The following ARHGAP17 variants were observed in gnomAD, a reference collection of about 807,000 sequenced individuals.
The protein encoded by ARHGAP17 is Rho GTPase activating protein 17, also known as rho GTPase-activating protein 17.
Under a neutral mutation model 99.5 loss-of-function variants are expected in ARHGAP17, and 57 were observed. The observed-to-expected ratio is 0.57, with a 90% CI of 0.46 to 0.71. The LOEUF (loss-of-function observed/expected upper bound fraction) is 0.71, where lower values mean the gene tolerates loss of function less well. Ranked by LOEUF, ARHGAP17 falls within the 30% of genes least tolerant of loss-of-function variation. ARHGAP17 has a pLI of 0.00. For synonymous variants in ARHGAP17, 417 were observed against 429.6 expected, an observed-to-expected ratio of 0.97 and a Z score of 0.36; for missense variants, 1,000 against 1,122.4, an observed-to-expected ratio of 0.89 and a Z score of 1.56.
intron 1 of ARHGAP17, among the ~76,000 whole-genome samples, chr16:24,995,459 A>G (rs2053165907): frequency 6.6e-6 from 1 of 152,214 alleles, no homozygotes; most frequent in African/African-American, 2.4e-5. Flanking sequence ...GGGAAGAGAG[A>G]GCAGGGAGGA....
intron 14 of ARHGAP17, among the ~76,000 whole-genome samples, chr16:24,944,188 T>C (rs958094947): frequency 3.3e-5 from 5 of 151,736 alleles, no homozygotes; most frequent in African/African-American, 7.3e-5. Flanking sequence ...GGAGAATCGC[T>C]TGAACCCGGA....
chr16:24,955,193 CAAGTT>C lies in ARHGAP17; in HGVS notation c.725-468_725-464del, dbSNP rs1251991860. 1 of 154,392 alleles carries C rather than the reference CAAGTT, an allele frequency of 6.5e-6. No individual in the cohort carries two copies. The highest frequency in any genetic ancestry group is 1.4e-5 in the Non-Finnish European group (1 of 69,562). 9.6% of individuals were successfully genotyped at this position (154,392 alleles called of 1,614,324 possible). ...AAATGATCTCTGAAAATTTCAAACA[CAAGTT>C]AAGTATCTGTCATACAAGACTGGAG... is the stretch of plus-strand genomic sequence containing the variant. On this transcript the variant is annotated intron_variant, in intron 9 of 19. Transcript: ENST00000289968. The surrounding 1 kb of genome is among the most constrained non-coding windows in gnomAD (Gnocchi z 4.0).
chr16:24,959,729 G>A lies in ARHGAP17; in HGVS notation c.666C>T (p.Tyr222=). Reference sequence around the variant, plus strand: ...CTAAGACTGCTAATGCTTTTCTATGGTAATCTGCTTGGGCTTCTAATAACT... The same window carrying A: ...CTAAGACTGCTAATGCTTTTCTATGATAATCTGCTTGGGCTTCTAATAACT... ...FVTLLEAQAD[Y]HRKALAVLEK... Residue 222 remains tyrosine, a synonymous_variant, in exon 9 of 20, where the codon TAC becomes TAT. Coordinates refer to ENST00000289968, the MANE Select transcript of ARHGAP17 (RefSeq NM_001006634.3). The A allele has an allele frequency of 6.2e-7, 1 of 1,614,050 alleles. No individual in the cohort carries two copies. Among genetic ancestry groups the A allele is most frequent in the Non-Finnish European group, 8.5e-7 (1 of 1,180,008 alleles).
intron 1 of ARHGAP17, among the ~76,000 whole-genome samples, chr16:24,987,609 C>T (rs1022936031): frequency 6.6e-6 from 1 of 152,118 alleles, no homozygotes; most frequent in Non-Finnish European, 1.5e-5. Flanking sequence ...TTTCTACCAC[C>T]AAGAGCACCC....
At chr16:24,954,993 C>T in intron 9 of ARHGAP17, 7 of 421,424 alleles carry the variant, frequency 1.7e-5, no homozygotes, top group South Asian at 1.1e-4. Flanking sequence ...GCTGCAGTGG[C>T]ACGCTGCACC....
Position 24,968,380 on chromosome 16 carries a change from C to A in ARHGAP17, c.432G>T (p.Leu144Phe). ...IQKQRKQLAR[L>F]VLDWDSVRAR... ...CTCTGACTGAATCCCAGTCTAACAC[C>A]AATCTTGCAAGCTGCTTCCTCTGCT... Residue 144 changes from leucine to phenylalanine, a missense_variant, in exon 6 of 20, where the codon TTG (leucine) becomes TTT (phenylalanine). Leu to Phe is a conservative substitution (Grantham distance 22). Around this residue, in one of 2 missense-constraint regions of ARHGAP17, gnomAD observed 472 missense variants for 611.1 expected, o/e 0.77. Transcript: ENST00000289968. 6.2e-7 allele frequency: 1 copy of A among 1,614,248 alleles called. No individual in the cohort carries two copies. Among genetic ancestry groups the A allele is most frequent in the Non-Finnish European group, 8.5e-7 (1 of 1,180,042 alleles).
At chr16:24,977,444 T>C in intron 2 of ARHGAP17, 125 bp from the exon 3 acceptor site, 2 of 686,212 alleles carry the variant, frequency 2.9e-6, no homozygotes, top group Non-Finnish European at 2.3e-6. Context: ...TACACCTTGC[T>C]ATCACACTGA....
At chr16:24,977,475 C>T (rs1330471103) in intron 2 of ARHGAP17, 156 bp from the exon 3 acceptor site, 2 of 480,902 alleles carry the variant, frequency 4.2e-6, no homozygotes, top group Non-Finnish European at 3.6e-6. Flanking sequence ...TCAGTTTACA[C>T]ACTACAGCAC....
chr16:25,006,406 T>C (rs1000554059), intron 1 of ARHGAP17, among the ~76,000 whole-genome samples: 1 of 145,280 alleles, frequency 6.9e-6, no homozygotes, highest in Non-Finnish European at 1.5e-5. Context: ...GCCGAGATCA[T>C]GCCACTGCAC....
chr16:24,968,609 G>C, intron 5 of ARHGAP17, 52 bp downstream of exon 5: 1 of 1,591,508 alleles, frequency 6.3e-7, no homozygotes, highest in Non-Finnish European at 8.6e-7. Flanking sequence ...AACACTCACT[G>C]TCCAGCCCAC....
chr16:24,996,119 G>A (rs2053185814), intron 1 of ARHGAP17, among the ~76,000 whole-genome samples: 1 of 152,006 alleles, frequency 6.6e-6, no homozygotes, highest in Admixed American at 6.6e-5. Context: ...TTTTTTGGGG[G>A]GGGAGGGAAA....
intron 1 of ARHGAP17, among the ~76,000 whole-genome samples, chr16:24,987,907 G>C (rs1366408944): frequency 1.3e-5 from 2 of 152,200 alleles, no homozygotes; most frequent in Non-Finnish European, 2.9e-5. Flanking sequence ...ATCTACCAAG[G>C]ATCTGAATAT....
chr16:24,919,852 C>T lies in ARHGAP17; in HGVS notation c.*278G>A, dbSNP rs28411242. On this transcript the variant is annotated 3_prime_UTR_variant, in exon 20 of 20. Coordinates refer to ENST00000289968, the MANE Select transcript of ARHGAP17 (RefSeq NM_001006634.3). ...TCCTATGCGCGTTTCAGCAGGAATA[C>T]TCTCTCCACTCCAGGTACTTCTTTG... 5,910 of 298,396 alleles carry T rather than the reference C, an allele frequency of 0.02. 357 individuals are homozygous for T. The highest frequency in any genetic ancestry group is 0.12 in the African/African-American group (5,437 of 46,542). 18.5% of individuals were successfully genotyped at this position (298,396 alleles called of 1,614,324 possible).
intron 3 of ARHGAP17, among the ~76,000 whole-genome samples, chr16:24,972,077 C>T (rs2052382483): frequency 6.6e-6 from 1 of 152,260 alleles, no homozygotes; most frequent in African/African-American, 2.4e-5. Context: ...GTTAAAAACA[C>T]AGGGTCCACC....
chr16:24,943,907 A>G, intron 14 of ARHGAP17, 45 bp from the exon 15 acceptor site: 2 of 1,510,168 alleles, frequency 1.3e-6, no homozygotes, highest in Non-Finnish European at 1.8e-6. Context: ...TGTAGGCAGC[A>G]TCTAATTTCT....
At chr16:24,950,096 G>A (rs968411947) in intron 12 of ARHGAP17, among the ~76,000 whole-genome samples, 1 of 152,152 alleles carries the variant, frequency 6.6e-6, no homozygotes, top group Admixed American at 6.5e-5. Context: ...GAGTGTTAAA[G>A]GGGCCTCTAT....
At chr16:25,010,128 T>G (rs1191505946) in intron 1 of ARHGAP17, among the ~76,000 whole-genome samples, 2 of 151,624 alleles carry the variant, frequency 1.3e-5, no homozygotes, top group African/African-American at 2.4e-5. Context: ...CAGACTGGAG[T>G]GCAGTGGCAT....
rs1367579480 is a variant in ARHGAP17 at position 24,948,206 on chromosome 16, G to A, written c.1128-611C>T. ...ATGTATTACGCAAATACCTTAAGCT[G>A]TCAAGCAAAAAAGGTAAGGGGGAGA... On this transcript the variant is annotated intron_variant, in intron 13 of 19. Transcript: ENST00000289968. Among the ~76,000 whole-genome samples the A allele has an allele frequency of 2.0e-5, 3 of 152,088 alleles. No homozygotes were observed. The East Asian group carries it at 5.8e-4, about 29-fold the overall frequency.
intron 16 of ARHGAP17, among the ~76,000 whole-genome samples, chr16:24,941,525 A>T (rs2141186593): frequency 6.6e-6 from 1 of 152,274 alleles, no homozygotes; most frequent in Non-Finnish European, 1.5e-5. Flanking sequence ...CATCAAATTC[A>T]GTGGTTGGCT....
Sources: allele counts gnomAD v4.1 joint callset (sites outside exome capture counted in the v4.1 genomes callset), GRCh38; gene constraint gnomAD v4.1.1; regional missense constraint gnomAD v4.1.1; non-coding constraint Gnocchi (gnomAD v3.1); transcripts MANE v1.5; gene names NCBI Gene and HGNC (gene_info 2026-07-23, HGNC 2026-07-21).